ZFYVE26: variants seen among roughly 807,000 people sequenced by gnomAD.
ZFYVE26 encodes the protein zinc finger FYVE domain-containing protein 26.
Under a neutral mutation model 276.5 loss-of-function variants are expected in ZFYVE26, and 181 were observed. The ratio of observed to expected loss-of-function variants is 0.65; its 90% confidence interval spans 0.58 to 0.74. ZFYVE26 has a LOEUF of 0.74. Among genes scored for constraint, ZFYVE26 ranks in the 30% least tolerant of loss-of-function variants. ZFYVE26 has a pLI of 0.00. For missense variants in ZFYVE26, 2,821 were observed against 3,097.9 expected (o/e 0.91, Z 2.12); for synonymous variants, 1,129 against 1,203.1 (o/e 0.94, Z 1.27).
chr14:67,798,736 A>T (rs941641657), intron 10 of ZFYVE26, 114 bp from the exon 11 acceptor site: 5 of 1,346,832 alleles, frequency 3.7e-6, no homozygotes, highest in African/African-American at 2.9e-5. Flanking sequence ...TCATTTATTT[A>T]TTTTTTAATT....
intron 23 of ZFYVE26, among the ~76,000 whole-genome samples, chr14:67,778,859 C>T (rs1251426448): frequency 1.3e-5 from 2 of 152,180 alleles, no homozygotes; most frequent in Non-Finnish European, 2.9e-5. Context: ...CTTCAGGATG[C>T]TTCCTTGTTT....
At chr14:67,732,385 G>A (rs983469414) in intron 13 of ZFYVE26, among the ~76,000 whole-genome samples, 2 of 144,226 alleles carry the variant, frequency 1.4e-5, no homozygotes, top group Non-Finnish European at 3.0e-5. Context: ...CTGCATGATA[G>A]TGCCACTGCA....
At chr14:67,734,223 T>A (rs1289748713) in intron 13 of ZFYVE26, 1 of 284,346 alleles carries the variant, frequency 3.5e-6, no homozygotes, top group East Asian at 8.0e-5. Context: ...CACTGCCTAT[T>A]TCTAGGGGCT....
intron 34 of ZFYVE26, 72 bp from the exon 35 acceptor site, chr14:67,761,656 G>A (rs2038933340): frequency 7.3e-7 from 1 of 1,365,310 alleles, no homozygotes; most frequent in African/African-American, 1.4e-5. Context: ...AATATTGCTT[G>A]CAAAGAATAT....
At chr14:67,749,735 C>T (rs1232840306) in intron 41 of ZFYVE26, among the ~76,000 whole-genome samples, 1 of 152,198 alleles carries the variant, frequency 6.6e-6, no homozygotes, top group Non-Finnish European at 1.5e-5. Flanking sequence ...CTAAAGTGAT[C>T]CAGTCCTGTG....
intron 39 of ZFYVE26, among the ~76,000 whole-genome samples, chr14:67,753,212 A>C (rs2038694225): frequency 6.6e-6 from 1 of 152,176 alleles, no homozygotes; most frequent in Admixed American, 6.5e-5. Flanking sequence ...GGTGGTGGGC[A>C]GGTCTGAAGA....
chr14:67,748,751 T>C, intron 41 of ZFYVE26, 112 bp from the exon 42 acceptor site: 1 of 1,044,338 alleles, frequency 9.6e-7, no homozygotes, highest in Non-Finnish European at 1.5e-6. Context: ...ACCTGCCACG[T>C]TCATAACAGG....
At chr14:67,777,506 C>T (rs1566878431) in intron 25 of ZFYVE26, 53 bp downstream of exon 25, 5 of 1,611,938 alleles carry the variant, frequency 3.1e-6, no homozygotes, top group Admixed American at 1.7e-5. Flanking sequence ...CCTCCTTTTC[C>T]TCCTTACCTT....
intron 35 of ZFYVE26, among the ~76,000 whole-genome samples, chr14:67,756,969 A>G (rs2038794279): frequency 6.6e-6 from 1 of 152,122 alleles, no homozygotes; most frequent in African/African-American, 2.4e-5. Flanking sequence ...TCCCTTTCTC[A>G]GTCTGTGTCT....
chr14:67,762,879 C>T lies in ZFYVE26; in HGVS notation c.6012-60G>A, dbSNP rs2038970487. On this transcript the variant is annotated intron_variant, in intron 32 of 41. Transcript: ENST00000347230. ...CCTAGTGTCTTACTAAGAGTAGCCG[C>T]TTAAAGGTTTCCTATTCCATTTTCT... 3 of 1,603,468 alleles carry T rather than the reference C, an allele frequency of 1.9e-6. No homozygotes were observed. The East Asian group carries it at 6.7e-5, about 36-fold the overall frequency.
At chr14:67,799,576 G>GA (rs1469516049) in intron 10 of ZFYVE26, 34 of 1,502,382 alleles carry the variant, frequency 2.3e-5, no homozygotes, top group Middle Eastern at 4.7e-4. Context: ...AAGGAGGAGG[G>GA]AAAAAATCTG....
At chr14:67,765,924 A>C (rs1594895100) in intron 32 of ZFYVE26, among the ~76,000 whole-genome samples, 1 of 152,350 alleles carries the variant, frequency 6.6e-6, no homozygotes, top group South Asian at 2.1e-4. Context: ...GTGGTTCCCT[A>C]CATTGACTTT....
In ZFYVE26 at chr14:67,804,260, G is replaced by A; in HGVS notation, c.1276C>T (p.Pro426Ser). 6.2e-7 allele frequency: 1 copy of A among 1,614,172 alleles called. No individual in the cohort carries two copies. The highest frequency in any genetic ancestry group is 8.5e-7 in the Non-Finnish European group (1 of 1,180,032). ...LEWCIQQSSN[P>S]IPKRDLLYHL... ...TACAACAGATCTCTCTTTGGTATGGGGTTGCTGAATGGAAAAGTTGGGAGG... is the reference window on the plus strand; with the variant it reads ...TACAACAGATCTCTCTTTGGTATGGAGTTGCTGAATGGAAAAGTTGGGAGG... The change falls in exon 9 of 42, where the codon CCC (proline) becomes TCC (serine). Residue 426 changes from proline to serine, a missense_variant. Coordinates refer to ENST00000347230, the MANE Select transcript of ZFYVE26 (RefSeq NM_015346.4).
intron 31 of ZFYVE26, among the ~76,000 whole-genome samples, chr14:67,766,679 G>A (rs896889419): frequency 3.3e-5 from 5 of 152,074 alleles, no homozygotes; most frequent in African/African-American, 1.2e-4. Context: ...TGGGAAGAAG[G>A]GCACTGTGTC....
At chr14:67,740,342 A>T (rs2038402594) in intron 13 of ZFYVE26, among the ~76,000 whole-genome samples, 1 of 151,092 alleles carries the variant, frequency 6.6e-6, no homozygotes, top group Non-Finnish European at 1.5e-5. Flanking sequence ...ATGCAAAAAA[A>T]ATTATTTAAA....
chr14:67,742,788 TCCTTCCTTCCTTCTTC>T (rs2038428628), downstream of ZFYVE26, among the ~76,000 whole-genome samples: 2 of 146,638 alleles, frequency 1.4e-5, no homozygotes, highest in East Asian at 1.9e-4. Context: ...CAGAGTTCCT[TCCTTCCTTCCTTCTTC>T]CCTTCCTTCC....
At chr14:67,799,473 T>G in intron 10 of ZFYVE26, 1 of 1,611,068 alleles carries the variant, frequency 6.2e-7, no homozygotes, top group African/African-American at 1.3e-5. Flanking sequence ...GTGGATAGCC[T>G]GAAGGCAGCC....
exon 14 of ZFYVE26, chr14:67,729,595 C>A: frequency 1.6e-6 from 1 of 637,480 alleles, no homozygotes; most frequent in Non-Finnish European, 2.8e-6. Context: ...ATTTTATACT[C>A]GTGTGCCGCT....
At position 67,752,399 on chromosome 14, in the gene ZFYVE26, T is replaced by C. The variant is rs1233450802; in HGVS notation, c.7316A>G (p.Asp2439Gly). 2.9e-5 allele frequency: 46 copies of C among 1,613,008 alleles called. No homozygotes were observed. The highest frequency in any genetic ancestry group is 3.7e-5 in the Non-Finnish European group (44 of 1,179,688). ...GCAGTTGAGGAGGATGGTGTCCCCG[T>C]CACTTTTGGCTGCCATGCCTGACTC... ...VSESGMAAKS[D>G]GDTILLNCLE... is the part of the protein sequence containing the mutation. Residue 2439 changes from aspartate (D) to glycine (G), a missense_variant, in exon 40 of 42, where the codon GAC (aspartate) becomes GGC (glycine). Coordinates refer to ENST00000347230, the MANE Select transcript of ZFYVE26 (RefSeq NM_015346.4).
Sources: gnomAD v4.1 joint callset for allele counts (sites outside exome capture counted in the v4.1 genomes callset) on GRCh38, gnomAD v4.1.1 for gene constraint, MANE v1.5 for transcripts, NCBI Gene and HGNC (gene_info 2026-07-23, HGNC 2026-07-21) for gene names.